SWAP70: variants seen among roughly 807,000 people sequenced by gnomAD.
The protein encoded by SWAP70 is switching B cell complex subunit SWAP70.
SWAP70 carries 34 observed loss-of-function variants against 80.2 expected under a neutral mutation model. The observed-to-expected ratio is 0.42, with a 90% confidence interval of 0.32 to 0.56. The LOEUF (loss-of-function observed/expected upper bound fraction) is 0.56, where lower values mean the gene tolerates loss of function less well. Among genes scored for constraint, SWAP70 ranks in the 20% least tolerant of loss-of-function variants. The probability of loss-of-function intolerance (pLI) is 0.09; values close to 1 mark genes in which losing one functional copy is unlikely to be tolerated. For synonymous variants in SWAP70, 239 were observed against 238.5 expected (o/e 1.00, Z -0.02); for missense variants, 578 against 690.7 (o/e 0.84, Z 1.83).
intron 3 of SWAP70, among the ~76,000 whole-genome samples, chr11:9,719,243 A>G (rs1851105179): frequency 6.6e-6 from 1 of 152,098 alleles, no homozygotes; most frequent in Admixed American, 6.6e-5. Flanking sequence ...CATCTCTGCA[A>G]AAAATATAAA....
chr11:9,733,978 G>A (rs951544747), intron 7 of SWAP70, among the ~76,000 whole-genome samples: 2 of 152,100 alleles, frequency 1.3e-5, no homozygotes, highest in Admixed American at 1.3e-4. Flanking sequence ...TCCCTTATCC[G>A]AAATGCTTAT....
intron 1 of SWAP70, among the ~76,000 whole-genome samples, chr11:9,686,838 T>C (rs1352484859): frequency 1.3e-5 from 2 of 152,230 alleles, no homozygotes; most frequent in Non-Finnish European, 2.9e-5. Flanking sequence ...TGCTATACAT[T>C]GTACAATGCG....
intron 2 of SWAP70, among the ~76,000 whole-genome samples, chr11:9,713,105 T>C (rs1054704025): frequency 1.3e-5 from 2 of 152,210 alleles, no homozygotes; most frequent in African/African-American, 4.8e-5. Flanking sequence ...TGTTTATTAA[T>C]AGGAAGATAG....
At chr11:9,702,427 T>C (rs1850844968) in intron 2 of SWAP70, among the ~76,000 whole-genome samples, 1 of 151,900 alleles carries the variant, frequency 6.6e-6, no homozygotes. Context: ...TTTTTTGTTT[T>C]CTGAGATAAG....
rs1851361156 is a variant in SWAP70, at chr11:9,736,217, CTT to C, written c.1081-1994_1081-1993del. ...TTGGTTTTTTCTGTGATTTATATCT[CTT>C]TATTATTCTCTATTTTATGGTATAT... is the stretch of plus-strand genomic sequence containing the variant. On this transcript the variant is annotated intron_variant, in intron 7 of 11. Coordinates refer to ENST00000318950, the MANE Select transcript of SWAP70 (RefSeq NM_015055.4). Among the ~76,000 whole-genome samples the C allele has an allele frequency of 3.3e-5, 5 of 152,130 alleles. No homozygotes were observed. The South Asian group carries it at 1.0e-3, about 32-fold the overall frequency.
chr11:9,692,610 A>C (rs1183253742), intron 1 of SWAP70, among the ~76,000 whole-genome samples: 1 of 152,172 alleles, frequency 6.6e-6, no homozygotes, highest in Admixed American at 6.5e-5. Context: ...TTAAAATTTG[A>C]ATGACATTTG....
At chr11:9,670,446 T>C (rs1565108675) in intron 1 of SWAP70, among the ~76,000 whole-genome samples, 1 of 152,190 alleles carries the variant, frequency 6.6e-6, no homozygotes, top group Non-Finnish European at 1.5e-5. Context: ...AGTTTTTTTT[T>C]GTTTTATTTA....
chr11:9,711,026 G>A (rs183496950), intron 2 of SWAP70, among the ~76,000 whole-genome samples: 3 of 126,272 alleles, frequency 2.4e-5, no homozygotes, highest in Non-Finnish European at 5.4e-5. Flanking sequence ...ATTTATTTTT[G>A]TATTGTTATA....
At position 9,664,266 on chromosome 11, in the gene SWAP70, G is replaced by C. The variant is rs1850280595; in HGVS notation, c.87G>C (p.Lys29Asn). 6.3e-7 allele frequency: 1 copy of C among 1,581,030 alleles called. No homozygotes were observed. ...AGGACCACAGCGGCAAGGTCTCCAAGTCCCAGCTCAAGGTGGGCGCCTCCT... is the reference window on the plus strand; with the variant it reads ...AGGACCACAGCGGCAAGGTCTCCAACTCCCAGCTCAAGGTGGGCGCCTCCT... ...LDQDHSGKVS[K>N]SQLKVLSHNL... Residue 29 changes from lysine to asparagine, a missense_variant, in exon 1 of 12, where the codon AAG becomes AAC. Coordinates refer to ENST00000318950, the MANE Select transcript of SWAP70 (RefSeq NM_015055.4).
intron 1 of SWAP70, among the ~76,000 whole-genome samples, chr11:9,691,300 T>C (rs1850694971): frequency 6.6e-6 from 1 of 152,240 alleles, no homozygotes; most frequent in Admixed American, 6.5e-5. Context: ...GGACTTCTTA[T>C]CTAAATTATG....
intron 2 of SWAP70, 110 bp downstream of exon 2, chr11:9,694,396 C>T: frequency 8.1e-7 from 1 of 1,236,560 alleles, no homozygotes; most frequent in Non-Finnish European, 1.1e-6. Context: ...TACAAAGAAT[C>T]ACTAGATAAA....
chr11:9,738,866 A>C (rs1388198362), intron 8 of SWAP70, among the ~76,000 whole-genome samples: 1 of 152,090 alleles, frequency 6.6e-6, no homozygotes, highest in Non-Finnish European at 1.5e-5. Context: ...GTCTCCAAAA[A>C]AGAAAAAAAA....
intron 2 of SWAP70, chr11:9,703,479 G>A (rs1016161671): frequency 1.5e-5 from 7 of 456,090 alleles, no homozygotes; most frequent in Admixed American, 2.4e-5. Context: ...CAAATGCAGC[G>A]AATTTTTGTT....
intron 3 of SWAP70, among the ~76,000 whole-genome samples, chr11:9,713,896 G>A (rs1055935375): frequency 6.6e-6 from 1 of 152,124 alleles, no homozygotes; most frequent in African/African-American, 2.4e-5. Flanking sequence ...CTATCCTCAC[G>A]TCCAAAGAGT....
chr11:9,690,879 T>G (rs955721531), intron 1 of SWAP70, among the ~76,000 whole-genome samples: 2 of 152,032 alleles, frequency 1.3e-5, no homozygotes, highest in Non-Finnish European at 2.9e-5. Flanking sequence ...TTCAGTTGGT[T>G]GTTTTATATA....
chr11:9,725,608 T>A (rs544682556), intron 4 of SWAP70, among the ~76,000 whole-genome samples: 50 of 137,584 alleles, frequency 3.6e-4, no homozygotes, highest in East Asian at 3.3e-3. Flanking sequence ...AATTTCACGC[T>A]GTCACCAGGC....
At chr11:9,690,269 G>A (rs1475564647) in intron 1 of SWAP70, among the ~76,000 whole-genome samples, 1 of 152,104 alleles carries the variant, frequency 6.6e-6, no homozygotes, top group African/African-American at 2.4e-5. Flanking sequence ...TTTATTTCTT[G>A]TATATTTTAT....
chr11:9,667,232 CTG>C (rs139870073), intron 1 of SWAP70, among the ~76,000 whole-genome samples: 19 of 146,580 alleles, frequency 1.3e-4, no homozygotes, highest in African/African-American at 4.7e-4. Flanking sequence ...TTTCACACTT[CTG>C]TGTGTGTGTG....
chr11:9,708,029 A>G (rs935821644), intron 2 of SWAP70, among the ~76,000 whole-genome samples: 7 of 152,056 alleles, frequency 4.6e-5, no homozygotes, highest in African/African-American at 1.4e-4. Flanking sequence ...CATTTTCTTT[A>G]TCCATTTATC....
Sources: allele counts gnomAD v4.1 joint callset (sites outside exome capture counted in the v4.1 genomes callset), GRCh38; gene constraint gnomAD v4.1.1; transcripts MANE v1.5; gene names NCBI Gene and HGNC (gene_info 2026-07-23, HGNC 2026-07-21).